The following KIAA2012 variants were observed in gnomAD, a reference collection of about 807,000 sequenced individuals.
KIAA2012 encodes the protein KIAA2012.
KIAA2012 carries 125 observed loss-of-function variants against 150.6 expected under a neutral mutation model. The ratio of observed to expected loss-of-function variants is 0.83; its 90% confidence interval spans 0.72 to 0.96. The LOEUF is 0.96. Ranked by LOEUF, KIAA2012 falls within the 40% of genes least tolerant of loss-of-function variation. The pLI, the probability that KIAA2012 is intolerant of heterozygous loss-of-function variation, is 0.00. For missense variants in KIAA2012, 1,219 were observed against 1,354.9 expected, an observed-to-expected ratio of 0.90 and a Z score of 1.57; for synonymous variants, 462 against 504.7, an observed-to-expected ratio of 0.92 and a Z score of 1.13.
intron 22 of KIAA2012, among the ~76,000 whole-genome samples, chr2:202,200,330 T>C (rs1692493149): frequency 6.6e-6 from 1 of 152,166 alleles, no homozygotes; most frequent in African/African-American, 2.4e-5. Flanking sequence ...CAAATTTGGG[T>C]TAGGTTCATG....
intron 2 of KIAA2012, among the ~76,000 whole-genome samples, chr2:202,086,940 C>A (rs530132298): frequency 3.3e-5 from 5 of 152,278 alleles, no homozygotes; most frequent in African/African-American, 1.2e-4. Flanking sequence ...AAATCTGTTG[C>A]TCCCATATTA....
At chr2:202,180,074 C>G (rs1692087219) in intron 15 of KIAA2012, 1 of 378,158 alleles carries the variant, frequency 2.6e-6, no homozygotes, top group Admixed American at 3.7e-5. Context: ...GAGTTCAAGA[C>G]CAGCCTGACC....
chr2:202,189,694 T>C (rs373690699), intron 18 of KIAA2012, among the ~76,000 whole-genome samples: 4 of 152,290 alleles, frequency 2.6e-5, no homozygotes, highest in South Asian at 2.1e-4. Context: ...CCCAAAACAC[T>C]TGGGGTGTTT....
rs549280689 is a variant in KIAA2012 at position 202,129,815 on chromosome 2, A to T, written c.1831+4533A>T. Among the ~76,000 whole-genome samples the T allele has an allele frequency of 2.6e-4, 40 of 152,210 alleles. 1 individual carries two copies. In the South Asian group the frequency reaches 5.6e-3, roughly 21 times the overall value. On this transcript the variant is annotated intron_variant, in intron 12 of 23. Transcript: ENST00000498697. ...CAAGACCCTGTCTCTAAAAATATTT[A>T]AAAAATAAATAAATAAAACATCAGG... is the stretch of plus-strand genomic sequence containing the variant.
chr2:202,077,660 A>G (rs1689356083), intron 2 of KIAA2012, among the ~76,000 whole-genome samples: 2 of 152,138 alleles, frequency 1.3e-5, no homozygotes, highest in Non-Finnish European at 2.9e-5. Flanking sequence ...AAGCAACTCA[A>G]AAGGGACTTC....
intron 4 of KIAA2012, among the ~76,000 whole-genome samples, chr2:202,096,512 C>T (rs556141921): frequency 6.6e-6 from 1 of 152,306 alleles, no homozygotes; most frequent in South Asian, 2.1e-4. Context: ...GGAGTAGCCC[C>T]ACCTGTGGGC....
chr2:202,179,392 CCTGTCAGTGGGAATT>C, intron 15 of KIAA2012: 1 of 784,290 alleles, frequency 1.3e-6, no homozygotes, highest in Non-Finnish European at 2.3e-6. Flanking sequence ...CTGGAGGAGC[CCTGTCAGTGGGAATT>C]AAAGCGGCAA....
intron 2 of KIAA2012, among the ~76,000 whole-genome samples, chr2:202,089,295 T>C (rs987649221): frequency 6.6e-6 from 1 of 152,242 alleles, no homozygotes; most frequent in Non-Finnish European, 1.5e-5. Context: ...ATTTACTGCA[T>C]CCTAACCTGT....
chr2:202,109,676 A>C lies in KIAA2012; in HGVS notation c.1538A>C (p.Lys513Thr). Residue 513 changes from lysine (K) to threonine (T), a missense_variant, in exon 10 of 24, where the codon AAA becomes ACA. Coordinates refer to ENST00000498697, the MANE Select transcript of KIAA2012 (RefSeq NM_001277372.4). ...GATCTTCTACCCCCGATTAAAGGAA[A>C]AAAAAGTCCTGAGAGCCAGAAGGGC... ...PLDLLPPIKG[K>T]KSPESQKGVD... The C allele has an allele frequency of 6.4e-7, 1 of 1,550,762 alleles. No individual in the cohort carries two copies. The highest frequency in any genetic ancestry group is 2.4e-5 in the East Asian group (1 of 40,902).
chr2:202,127,498 T>A (rs964851496), intron 12 of KIAA2012, among the ~76,000 whole-genome samples: 1 of 152,132 alleles, frequency 6.6e-6, no homozygotes, highest in African/African-American at 2.4e-5. Context: ...GCCTGGCCCA[T>A]GGAGTGCCCC....
chr2:202,075,619 G>A (rs1053818088), intron 2 of KIAA2012, among the ~76,000 whole-genome samples: 3 of 152,248 alleles, frequency 2.0e-5, no homozygotes, highest in Non-Finnish European at 2.9e-5. Context: ...GCCCTTCAGC[G>A]TCTGCAGGAT....
At position 202,193,286 on chromosome 2, in the gene KIAA2012, A is replaced by G. The variant is rs1559234369; in HGVS notation, c.2812-15A>G. ...CCCATCTGTTTATTGCACTGAGAAC[A>G]CTCTGGTTTCTTAGGCCCTCCTCAC... is the stretch of plus-strand genomic sequence containing the variant. On this transcript the variant is annotated splice_polypyrimidine_tract_variant and intron_variant, in intron 19 of 23. Transcript: ENST00000498697. 1 of 1,548,474 alleles carries G rather than the reference A, an allele frequency of 6.5e-7. No individual in the cohort carries two copies. Among genetic ancestry groups the G allele is most frequent in the South Asian group, 1.2e-5 (1 of 83,894 alleles).
At chr2:202,121,598 C>A (rs989087251) in intron 11 of KIAA2012, among the ~76,000 whole-genome samples, 1 of 152,162 alleles carries the variant, frequency 6.6e-6, no homozygotes, top group Non-Finnish European at 1.5e-5. Flanking sequence ...CTTATCCCAA[C>A]GATCCTAGGA....
intron 13 of KIAA2012, among the ~76,000 whole-genome samples, chr2:202,150,630 G>A (rs945895878): frequency 6.6e-6 from 1 of 151,984 alleles, no homozygotes; most frequent in African/African-American, 2.4e-5. Flanking sequence ...TGTATTTTTA[G>A]TAGAAATGGG....
intron 13 of KIAA2012, among the ~76,000 whole-genome samples, chr2:202,146,757 C>T (rs1375118473): frequency 6.6e-6 from 1 of 151,864 alleles, no homozygotes. Context: ...CATGGTCATA[C>T]GACCGCACTC....
chr2:202,111,918 G>A (rs1254295528), intron 10 of KIAA2012, among the ~76,000 whole-genome samples: 1 of 152,172 alleles, frequency 6.6e-6, no homozygotes, highest in African/African-American at 2.4e-5. Flanking sequence ...CACTCTAGCT[G>A]GTGGCCTGCT....
At position 202,190,171 on chromosome 2, in the gene KIAA2012, C is replaced by T. The variant is rs1692299127; in HGVS notation, c.2492-3C>T. 1.3e-6 allele frequency: 2 copies of T among 1,512,778 alleles called. No homozygotes were observed. The highest frequency in any genetic ancestry group is 2.5e-5 in the East Asian group (1 of 40,790). The allele number at this position is 1,512,778 out of a possible 1,614,324, so 93.7% of individuals were successfully genotyped here. A position where few individuals can be genotyped will look rare whatever the true frequency, so the allele number is the denominator to read the frequency against. Reference sequence around the variant, plus strand: ...ATCTCTATCCCCAATTGTTCTCCCCCAGGAAAGTCAAAGGACTCAAAGGCT... The same window carrying T: ...ATCTCTATCCCCAATTGTTCTCCCCTAGGAAAGTCAAAGGACTCAAAGGCT... On this transcript the variant is annotated splice_region_variant and splice_polypyrimidine_tract_variant and intron_variant, in intron 18 of 23. Transcript: ENST00000498697.
chr2:202,178,027 T>A (rs1447556559), intron 15 of KIAA2012, among the ~76,000 whole-genome samples: 1 of 152,132 alleles, frequency 6.6e-6, no homozygotes, highest in African/African-American at 2.4e-5. Context: ...GGTGAAACCC[T>A]GTCTGTAGTA....
At chr2:202,167,129 G>A (rs1169681589) in intron 15 of KIAA2012, among the ~76,000 whole-genome samples, 3 of 149,734 alleles carry the variant, frequency 2.0e-5, no homozygotes, top group Non-Finnish European at 3.0e-5. Flanking sequence ...AGCCAAGATC[G>A]CACCACTGCA....
Sources: allele counts gnomAD v4.1 joint callset (sites outside exome capture counted in the v4.1 genomes callset), GRCh38; gene constraint gnomAD v4.1.1; transcripts MANE v1.5; gene names NCBI Gene and HGNC (gene_info 2026-07-23, HGNC 2026-07-21).